Variants in SRD5A1 observed in about 807,000 individuals in gnomAD.
The protein encoded by SRD5A1 is steroid 5 alpha-reductase 1, also known as 3-oxo-5-alpha-steroid 4-dehydrogenase 1.
In SRD5A1, 22 loss-of-function variants were observed where a neutral mutation model predicts 28.2. The observed-to-expected ratio is 0.78, with a 90% CI of 0.56 to 1.12. The LOEUF is 1.12. SRD5A1 is among the 50% of genes most tolerant of loss of function. SRD5A1 has a pLI of 0.00. For synonymous variants in SRD5A1, 151 were observed against 135.0 expected, an observed-to-expected ratio of 1.12 and a Z score of -0.82; for missense variants, 300 against 346.7, an observed-to-expected ratio of 0.87 and a Z score of 1.07.
chr5:6,637,750 A>C (rs1407746324), intron 1 of SRD5A1, among the ~76,000 whole-genome samples: 1 of 145,378 alleles, frequency 6.9e-6, no homozygotes, highest in African/African-American at 2.6e-5. Context: ...AATGGTGCCC[A>C]GAGTGCACAG....
rs772480989 is a variant in SRD5A1 at position 6,633,670 on chromosome 5, C to A, written c.94C>A (p.Arg32Ser). ...GGGCTGCGCGGTCTTCGCGCGCAAT[C>A]GTCAGACGAACTCAGTGTACGGCCG... ...AVGCAVFARN[R>S]QTNSVYGRHA... Residue 32 changes from arginine (R) to serine (S), a missense_variant, in exon 1 of 5, where the codon CGT becomes AGT. Transcript: ENST00000274192. The A allele has an allele frequency of 2.5e-6, 4 of 1,583,616 alleles. No individual in the cohort carries two copies. Among genetic ancestry groups the A allele is most frequent in the Non-Finnish European group, 3.4e-6 (4 of 1,172,574 alleles).
Position 6,633,453 on chromosome 5 carries a change from T to G in SRD5A1, c.-124T>G. The stretch of plus-strand genomic sequence containing the variant: ...TGACTTGAGAACCCTTTCTGCAGAG[T>G]CCCGGCAGTGCGGGACTCCGGTAGC... On this transcript the variant is annotated 5_prime_UTR_variant, in exon 1 of 5. Coordinates refer to ENST00000274192, the MANE Select transcript of SRD5A1 (RefSeq NM_001047.4). 1 of 1,139,306 alleles carries G rather than the reference T, an allele frequency of 8.8e-7. No individual in the cohort carries two copies. Among genetic ancestry groups the G allele is most frequent in the South Asian group, 1.8e-5 (1 of 55,612 alleles). 70.6% of individuals were successfully genotyped at this position (1,139,306 alleles called of 1,614,324 possible). A position where few individuals can be genotyped will look rare whatever the true frequency, so the allele number is the denominator to read the frequency against.
In SRD5A1 at chr5:6,643,774, GC is replaced by G. The variant is rs1171050291; in HGVS notation, c.294-8065del. Reference sequence around the variant, plus strand: ...TCCTTGCTTCACTAACCAATGAGCCGCCCGATAACCTACTTTGGTTGCAGCC... The same window carrying G: ...TCCTTGCTTCACTAACCAATGAGCCGCCGATAACCTACTTTGGTTGCAGCC... On this transcript the variant is annotated intron_variant, in intron 1 of 4. Transcript: ENST00000274192. Among the ~76,000 whole-genome samples, 6 of 152,184 alleles carry G rather than the reference GC, an allele frequency of 3.9e-5. No individual in the cohort carries two copies. In the South Asian group the frequency reaches 1.2e-3, roughly 32 times the overall value.
At chr5:6,651,692 A>G in intron 1 of SRD5A1, 150 bp from the exon 2 acceptor site, 1 of 769,480 alleles carries the variant, frequency 1.3e-6, no homozygotes, top group Non-Finnish European at 2.0e-6. Context: ...ATCCACTTTT[A>G]GCTTAGATAT....
chr5:6,660,954 C>T (rs942195685), intron 3 of SRD5A1, among the ~76,000 whole-genome samples: 4 of 152,132 alleles, frequency 2.6e-5, no homozygotes, highest in African/African-American at 9.7e-5. Context: ...TCTTTCAAAC[C>T]ATTACATGTC....
chr5:6,645,968 A>G (rs1421768676), intron 1 of SRD5A1, among the ~76,000 whole-genome samples: 1 of 151,968 alleles, frequency 6.6e-6, no homozygotes, highest in African/African-American at 2.4e-5. Flanking sequence ...TGCATTAGGT[A>G]TTTCTCCTAA....
intron 1 of SRD5A1, among the ~76,000 whole-genome samples, chr5:6,649,207 G>A (rs562111361): frequency 4.6e-5 from 7 of 152,192 alleles, no homozygotes; most frequent in South Asian, 2.1e-4. Flanking sequence ...GGGGGTCAGG[G>A]ACCCACTTGA....
chr5:6,645,230 C>T (rs1210324152), intron 1 of SRD5A1: 1 of 306,696 alleles, frequency 3.3e-6, no homozygotes, highest in East Asian at 8.5e-5. Flanking sequence ...TAACTAATGA[C>T]TAATTATGAC....
intron 4 of SRD5A1, among the ~76,000 whole-genome samples, chr5:6,666,406 C>T (rs1273919157): frequency 3.3e-5 from 5 of 152,152 alleles, no homozygotes; most frequent in Non-Finnish European, 5.9e-5. Flanking sequence ...CCTCAGCCTC[C>T]CAAAGCACTG....
chr5:6,662,190 T>TC (rs1339835998), intron 3 of SRD5A1, among the ~76,000 whole-genome samples: 2 of 152,254 alleles, frequency 1.3e-5, no homozygotes, highest in East Asian at 3.9e-4. Flanking sequence ...ACCCTCACCT[T>TC]CCCTGTGGCC....
chr5:6,645,178 A>G (rs928240659), intron 1 of SRD5A1: 5 of 364,354 alleles, frequency 1.4e-5, no homozygotes, highest in African/African-American at 8.5e-5. Context: ...CACAGCCAGC[A>G]TGACACTACT....
At chr5:6,646,032 C>G (rs1015434154) in intron 1 of SRD5A1, among the ~76,000 whole-genome samples, 4 of 151,952 alleles carry the variant, frequency 2.6e-5, no homozygotes, top group Non-Finnish European at 5.9e-5. Flanking sequence ...GTGTGATGTT[C>G]CCCTCCCTGC....
At chr5:6,637,700 G>A (rs1367187120) in intron 1 of SRD5A1, among the ~76,000 whole-genome samples, 1 of 152,140 alleles carries the variant, frequency 6.6e-6, no homozygotes, top group Non-Finnish European at 1.5e-5. Context: ...CGCTTGCCAC[G>A]GGAGTCCTCA....
chr5:6,644,948 G>C (rs1738466152), intron 1 of SRD5A1: 1 of 455,812 alleles, frequency 2.2e-6, no homozygotes. Flanking sequence ...TTCATTGCTT[G>C]GCAACACTGC....
intron 1 of SRD5A1, among the ~76,000 whole-genome samples, chr5:6,644,002 C>T (rs1738437851): frequency 6.6e-6 from 1 of 152,110 alleles, no homozygotes; most frequent in Admixed American, 6.5e-5. Flanking sequence ...GAATTCAACC[C>T]ACAACTTAGA....
In SRD5A1 at chr5:6,669,221, G is replaced by C. The variant is rs1211858335; in HGVS notation, c.*953G>C. 1 of 152,162 alleles carries C rather than the reference G, an allele frequency of 6.6e-6. No individual in the cohort carries two copies. The highest frequency in any genetic ancestry group is 1.5e-5 in the Non-Finnish European group (1 of 68,016). The allele number at this position is 152,162 out of a possible 1,614,324, so 9.4% of individuals were successfully genotyped here. On this transcript the variant is annotated 3_prime_UTR_variant, in exon 5 of 5. Coordinates refer to ENST00000274192, the MANE Select transcript of SRD5A1 (RefSeq NM_001047.4). ...AAGACCACTTTTTAAGATTTATCCT[G>C]TTTGTTCTTTGTTGATTGAAACATA...
chr5:6,666,574 T>C (rs1739189284), intron 4 of SRD5A1, among the ~76,000 whole-genome samples: 1 of 152,242 alleles, frequency 6.6e-6, no homozygotes, highest in Admixed American at 6.5e-5. Flanking sequence ...CAGTCAACTG[T>C]GCTGGGTTGC....
At chr5:6,653,167 T>G (rs1738727951) in intron 2 of SRD5A1, among the ~76,000 whole-genome samples, 1 of 152,212 alleles carries the variant, frequency 6.6e-6, no homozygotes, top group Non-Finnish European at 1.5e-5. Flanking sequence ...GAGAGATCCC[T>G]TTCACATTTC....
At chr5:6,633,935 C>G (rs959249997) in intron 1 of SRD5A1, 66 bp downstream of exon 1, 224 of 1,546,320 alleles carry the variant, frequency 1.4e-4, no homozygotes, top group Non-Finnish European at 1.6e-4. Context: ...ACCCTCCCCT[C>G]ACTGCCCGGT....
Sources: allele counts gnomAD v4.1 joint callset (sites outside exome capture counted in the v4.1 genomes callset), GRCh38; gene constraint gnomAD v4.1.1; transcripts MANE v1.5; gene names NCBI Gene and HGNC (gene_info 2026-07-23, HGNC 2026-07-21).